MTRF1: variants seen among roughly 807,000 people sequenced by gnomAD.
MTRF1 encodes mitochondrial translation release factor 1, also known as peptide chain release factor 1, mitochondrial.
MTRF1 carries 51 observed loss-of-function variants against 62.9 expected under a neutral mutation model. The observed-to-expected ratio is 0.81, with a 90% CI of 0.65 to 1.02. MTRF1 has a LOEUF of 1.02. MTRF1 is among the 50% of genes least tolerant of loss of function. The probability of loss-of-function intolerance (pLI) is 0.00; values close to 1 mark genes in which losing one functional copy is unlikely to be tolerated. For missense variants in MTRF1, 446 were observed against 530.0 expected, an observed-to-expected ratio of 0.84 and a Z score of 1.56; for synonymous variants, 158 against 181.9, an observed-to-expected ratio of 0.87 and a Z score of 1.06.
At chr13:41,310,587 T>G in the MTRF1 span, among the ~76,000 whole-genome samples, 1 of 152,168 alleles carries the variant, frequency 6.6e-6, no homozygotes, top group Non-Finnish European at 1.5e-5. Context: ...GGAGAATCCT[T>G]TGAACTCAGG....
At chr13:41,259,717 A>AC (rs1566179596) in intron 2 of MTRF1, among the ~76,000 whole-genome samples, 35 of 149,786 alleles carry the variant, frequency 2.3e-4, no homozygotes, top group Non-Finnish European at 4.0e-4. Context: ...AAAAAAAAAA[A>AC]AAAACATAAA....
the MTRF1 span, among the ~76,000 whole-genome samples, chr13:41,302,155 T>G: frequency 6.6e-6 from 1 of 151,960 alleles, no homozygotes; most frequent in African/African-American, 2.4e-5. Context: ...GACTCCCGAG[T>G]AGCTGGGATT....
At chr13:41,221,863 G>T (rs1457446912) in intron 9 of MTRF1, among the ~76,000 whole-genome samples, 1 of 152,138 alleles carries the variant, frequency 6.6e-6, no homozygotes, top group Admixed American at 6.6e-5. Flanking sequence ...AGTGTAATTA[G>T]AACAATATGG....
At chr13:41,233,571 T>A (rs1210677341) in intron 7 of MTRF1, among the ~76,000 whole-genome samples, 1 of 152,176 alleles carries the variant, frequency 6.6e-6, no homozygotes, top group Non-Finnish European at 1.5e-5. Context: ...GGTGACAGAA[T>A]ATCCACGGTG....
chr13:41,239,222 C>T (rs578225525), intron 6 of MTRF1, among the ~76,000 whole-genome samples: 6 of 151,828 alleles, frequency 4.0e-5, no homozygotes, highest in Non-Finnish European at 5.9e-5. Context: ...AGCAACACAG[C>T]GAGACCTTGC....
chr13:41,225,974 A>C (rs1453389768), intron 8 of MTRF1, among the ~76,000 whole-genome samples: 1 of 146,268 alleles, frequency 6.8e-6, no homozygotes, highest in Non-Finnish European at 1.5e-5. Flanking sequence ...CATAATGAAA[A>C]ATAAATTTCC....
chr13:41,233,872 G>T lies in MTRF1; in HGVS notation c.988+18C>A. On this transcript the variant is annotated intron_variant, in intron 7 of 9. Coordinates refer to ENST00000379480, the MANE Select transcript of MTRF1 (RefSeq NM_004294.4). ...ATGGAAAAAGGGTTAAAAGTACAAAGCCAAGGGGCTTGCTTACCTGTGGGG... is the reference window on the plus strand; with the variant it reads ...ATGGAAAAAGGGTTAAAAGTACAAATCCAAGGGGCTTGCTTACCTGTGGGG... 1 of 1,578,880 alleles carries T rather than the reference G, an allele frequency of 6.3e-7. No individual in the cohort carries two copies. The highest frequency in any genetic ancestry group is 8.7e-7 in the Non-Finnish European group (1 of 1,147,950).
upstream of MTRF1, among the ~76,000 whole-genome samples, chr13:41,266,726 GC>G (rs1375364877): frequency 2.0e-5 from 3 of 152,140 alleles, no homozygotes; most frequent in African/African-American, 7.2e-5. Context: ...GGGCGCAGTG[GC>G]TCACGCCTGT....
At chr13:41,294,838 T>C in the MTRF1 span, among the ~76,000 whole-genome samples, 2 of 152,228 alleles carry the variant, frequency 1.3e-5, no homozygotes, top group Non-Finnish European at 2.9e-5. Flanking sequence ...AAATTACTTA[T>C]AAGTCTTTCT....
At chr13:41,225,762 T>G (rs2034297477) in intron 8 of MTRF1, among the ~76,000 whole-genome samples, 1 of 145,858 alleles carries the variant, frequency 6.9e-6, no homozygotes, top group Admixed American at 7.0e-5. Flanking sequence ...TGAGCCAAGA[T>G]TACGCCACTG....
At chr13:41,289,920 C>T in the MTRF1 span, among the ~76,000 whole-genome samples, 1 of 152,134 alleles carries the variant, frequency 6.6e-6, no homozygotes. Context: ...AACTGACTAT[C>T]TCTTCTTCAA....
chr13:41,230,212 T>C (rs1287578104), intron 7 of MTRF1, among the ~76,000 whole-genome samples: 1 of 152,106 alleles, frequency 6.6e-6, no homozygotes, highest in Admixed American at 6.5e-5. Context: ...CCAACAATGG[T>C]TACTGGGTTA....
At chr13:41,240,508 T>A in intron 5 of MTRF1, 75 bp from the exon 6 acceptor site, 1 of 1,414,154 alleles carries the variant, frequency 7.1e-7, no homozygotes, top group Non-Finnish European at 9.5e-7. Flanking sequence ...GTCCTTAATC[T>A]AAGGCCTGAA....
chr13:41,274,820 G>A, the MTRF1 span, among the ~76,000 whole-genome samples: 1 of 151,928 alleles, frequency 6.6e-6, no homozygotes, highest in Admixed American at 6.6e-5. Context: ...ATTATTAGTA[G>A]AGACAGGGTT....
chr13:41,284,948 C>G, the MTRF1 span, among the ~76,000 whole-genome samples: 1 of 152,104 alleles, frequency 6.6e-6, no homozygotes, highest in Non-Finnish European at 1.5e-5. Context: ...CCACTGTGCC[C>G]GGCCTGTCAA....
chr13:41,268,498 A>T (rs960990810), upstream of MTRF1, among the ~76,000 whole-genome samples: 7 of 152,146 alleles, frequency 4.6e-5, no homozygotes, highest in Non-Finnish European at 1.0e-4. Flanking sequence ...GCAAGCTGAG[A>T]TCACGTCACT....
In MTRF1 at chr13:41,223,347, G is replaced by T; in HGVS notation, c.1133C>A (p.Thr378Lys). Residue 378 changes from threonine (T) to lysine (K), a missense_variant, in exon 9 of 10, where the codon ACA becomes AAA. By Grantham distance (78) the Thr-to-Lys change is moderately conservative (BLOSUM62 -1). Transcript: ENST00000379480. The stretch of plus-strand genomic sequence containing the variant: ...CCGAATTCGCTCTGACTGGGCTCTT[G>T]TTCCCACCTGTGCCATAACAAAAAG... ...QQSARKLQVG[T>K]RAQSERIRTY... 1.2e-6 allele frequency: 2 copies of T among 1,613,576 alleles called. No individual in the cohort carries two copies. The highest frequency in any genetic ancestry group is 1.7e-6 in the Non-Finnish European group (2 of 1,179,762).
chr13:41,302,959 G>C, the MTRF1 span, among the ~76,000 whole-genome samples: 15 of 152,250 alleles, frequency 9.9e-5, no homozygotes, highest in East Asian at 2.9e-3. Context: ...ATTCAAGAGA[G>C]CACCTTGAGT....
chr13:41,272,142 C>T, the MTRF1 span, among the ~76,000 whole-genome samples: 1 of 152,156 alleles, frequency 6.6e-6, no homozygotes, highest in African/African-American at 2.4e-5. Context: ...CCTTGAAAAA[C>T]AGAGCTTGAG....
Sources: allele counts gnomAD v4.1 joint callset (sites outside exome capture counted in the v4.1 genomes callset), GRCh38; gene constraint gnomAD v4.1.1; transcripts MANE v1.5; gene names NCBI Gene and HGNC (gene_info 2026-07-23, HGNC 2026-07-21).